SAMD3: variants seen among roughly 807,000 people sequenced by gnomAD.
The protein encoded by SAMD3 is sterile alpha motif domain-containing protein 3.
Under a neutral mutation model 58.5 loss-of-function variants are expected in SAMD3, and 63 were observed. That is an observed-to-expected ratio of 1.08 (90% confidence interval 0.88 to 1.33). SAMD3 has a LOEUF of 1.33. Among genes scored for constraint, SAMD3 ranks in the 40% most tolerant of loss-of-function variants. The probability of loss-of-function intolerance (pLI) is 0.00; values close to 1 mark genes in which losing one functional copy is unlikely to be tolerated. For synonymous variants in SAMD3, 220 were observed against 210.3 expected (o/e 1.05, Z -0.40); for missense variants, 604 against 608.4 (o/e 0.99, Z 0.08).
At chr6:130,298,074 C>T (rs1373586437) in intron 2 of SAMD3, among the ~76,000 whole-genome samples, 1 of 152,110 alleles carries the variant, frequency 6.6e-6, no homozygotes, top group African/African-American at 2.4e-5. Context: ...TCCTGAGGTA[C>T]AGTCATCAGA....
At chr6:130,219,429 A>C (rs1796131333) in intron 1 of SAMD3, among the ~76,000 whole-genome samples, 1 of 152,148 alleles carries the variant, frequency 6.6e-6, no homozygotes, top group Non-Finnish European at 1.5e-5. Flanking sequence ...TTTGGTGCAC[A>C]CATCACTGGA....
intron 5 of SAMD3, among the ~76,000 whole-genome samples, chr6:130,196,081 T>C (rs527832479): frequency 6.6e-6 from 1 of 152,262 alleles, no homozygotes; most frequent in East Asian, 1.9e-4. Context: ...GGCTGTGCAG[T>C]CAGAATTTTT....
At chr6:130,320,939 G>T (rs1157746743) in intron 1 of SAMD3, among the ~76,000 whole-genome samples, 1 of 152,136 alleles carries the variant, frequency 6.6e-6, no homozygotes, top group Non-Finnish European at 1.5e-5. Context: ...CTGTCTCAAG[G>T]TTTACATATT....
chr6:130,331,953 G>T (rs1039640633), intron 1 of SAMD3, among the ~76,000 whole-genome samples: 3 of 152,202 alleles, frequency 2.0e-5, no homozygotes, highest in African/African-American at 7.2e-5. Context: ...TGCCAGGCAG[G>T]CATGCTCTGA....
chr6:130,198,340 G>A (rs1794334972), intron 5 of SAMD3, among the ~76,000 whole-genome samples: 1 of 152,082 alleles, frequency 6.6e-6, no homozygotes, highest in African/African-American at 2.4e-5. Context: ...GAGCAGCTAG[G>A]ACTACAAGCA....
chr6:130,196,986 C>T (rs1329856962), intron 5 of SAMD3, among the ~76,000 whole-genome samples: 1 of 152,162 alleles, frequency 6.6e-6, no homozygotes, highest in Admixed American at 6.5e-5. Flanking sequence ...TCTTAGTATT[C>T]AGTGAAACCT....
Position 130,354,551 on chromosome 6 carries a change from T to C in SAMD3, c.-304+10569A>G, listed in dbSNP as rs1225101050. 2.6e-5 allele frequency among the ~76,000 whole-genome samples: 4 copies of C among 152,180 alleles called. No homozygotes were observed. In the South Asian group the frequency reaches 6.2e-4, roughly 24 times the overall value. On this transcript the variant is annotated intron_variant, in intron 1 of 13. Transcript: ENST00000368134. ...ACATGGATGGGGCAGGAGGCCATCA[T>C]CCTTAGCAAACTAATGTAGTAACAG...
At chr6:130,318,422 A>C (rs1421137195) in intron 1 of SAMD3, among the ~76,000 whole-genome samples, 2 of 152,016 alleles carry the variant, frequency 1.3e-5, no homozygotes, top group East Asian at 1.9e-4. Flanking sequence ...CTAATAAAAA[A>C]ATTTTTTTTT....
chr6:130,148,223 A>G (rs1788814213), intron 9 of SAMD3, among the ~76,000 whole-genome samples: 1 of 152,212 alleles, frequency 6.6e-6, no homozygotes, highest in Non-Finnish European at 1.5e-5. Context: ...TTTCTATTTT[A>G]AGATAGTTTC....
intron 2 of SAMD3, among the ~76,000 whole-genome samples, chr6:130,304,034 A>T (rs1775834190): frequency 6.6e-6 from 1 of 152,146 alleles, no homozygotes; most frequent in Non-Finnish European, 1.5e-5. Flanking sequence ...ACATTTATCT[A>T]CATTTTCTCC....
At chr6:130,303,552 A>T (rs538451347) in intron 2 of SAMD3, among the ~76,000 whole-genome samples, 13 of 152,330 alleles carry the variant, frequency 8.5e-5, no homozygotes, top group African/African-American at 3.1e-4. Context: ...TACCCAGTTG[A>T]TTAAGCCAAA....
intron 9 of SAMD3, among the ~76,000 whole-genome samples, chr6:130,151,436 AATTT>A (rs1167160958): frequency 3.3e-5 from 5 of 151,754 alleles, no homozygotes; most frequent in African/African-American, 7.2e-5. Flanking sequence ...TTATTTTTTA[AATTT>A]ATTTATTTAT....
chr6:130,227,832 G>A (rs6915717), upstream of SAMD3, among the ~76,000 whole-genome samples: 34,251 of 150,842 alleles, frequency 0.23, 8,627 homozygotes, highest in African/African-American at 0.63. Context: ...ATCATTCGAC[G>A]TCCTCTGATT....
At chr6:130,207,182 GAA>G (rs1795163427) in intron 5 of SAMD3, among the ~76,000 whole-genome samples, 1 of 143,420 alleles carries the variant, frequency 7.0e-6, no homozygotes, top group African/African-American at 2.6e-5. Flanking sequence ...AGAAAAAAAA[GAA>G]AAAGAAAAAA....
intron 9 of SAMD3, among the ~76,000 whole-genome samples, chr6:130,147,089 C>G (rs1204439730): frequency 1.3e-5 from 2 of 152,204 alleles, no homozygotes; most frequent in African/African-American, 4.8e-5. Flanking sequence ...CTACCACTGC[C>G]TGAACTCTTC....
intron 5 of SAMD3, among the ~76,000 whole-genome samples, chr6:130,188,707 T>A (rs1318991484): frequency 1.3e-5 from 2 of 152,204 alleles, no homozygotes; most frequent in African/African-American, 4.8e-5. Context: ...TGACCATAAC[T>A]TTTTACAAGA....
chr6:130,325,290 A>C (rs1255374515), intron 1 of SAMD3, among the ~76,000 whole-genome samples: 1 of 152,146 alleles, frequency 6.6e-6, no homozygotes, highest in Non-Finnish European at 1.5e-5. Context: ...GAGCTAAGGA[A>C]GCTGTGTGAG....
intron 1 of SAMD3, among the ~76,000 whole-genome samples, chr6:130,349,884 G>T (rs1244454366): frequency 2.0e-5 from 3 of 152,088 alleles, no homozygotes; most frequent in Non-Finnish European, 4.4e-5. Context: ...TGATCAAGTG[G>T]GCTTCATCCC....
intron 1 of SAMD3, among the ~76,000 whole-genome samples, chr6:130,314,317 A>G (rs1776286179): frequency 6.6e-6 from 1 of 152,206 alleles, no homozygotes; most frequent in Admixed American, 6.5e-5. Flanking sequence ...GAGGCCCTGA[A>G]ATAAAGGGAC....
Sources: gnomAD v4.1 joint callset for allele counts (sites outside exome capture counted in the v4.1 genomes callset) on GRCh38, gnomAD v4.1.1 for gene constraint, MANE v1.5 for transcripts, NCBI Gene and HGNC (gene_info 2026-07-23, HGNC 2026-07-21) for gene names.